The following UGGT2 variants were observed in gnomAD, a reference collection of about 807,000 sequenced individuals.
UGGT2 encodes UDP-glucose glycoprotein glucosyltransferase 2.
UGGT2 carries 180 observed loss-of-function variants against 192.1 expected under a neutral mutation model. The ratio of observed to expected loss-of-function variants is 0.94; its 90% CI spans 0.83 to 1.06. UGGT2 has a LOEUF of 1.06. Among genes scored for constraint, UGGT2 ranks in the 50% least tolerant of loss-of-function variants. UGGT2 has a pLI of 0.00. For synonymous variants in UGGT2, 580 were observed against 591.0 expected (o/e 0.98, Z 0.27); for missense variants, 1,849 against 1,795.7 (o/e 1.03, Z -0.54).
At chr13:95,928,403 CG>C (rs2049114605) in intron 17 of UGGT2, among the ~76,000 whole-genome samples, 1 of 150,534 alleles carries the variant, frequency 6.6e-6, no homozygotes, top group Non-Finnish European at 1.5e-5. Flanking sequence ...CCGGACGGGG[CG>C]GCTGCCGGGC....
intron 11 of UGGT2, 27 bp downstream of exon 11, chr13:95,972,553 C>A: frequency 1.3e-6 from 2 of 1,517,574 alleles, no homozygotes; most frequent in South Asian, 1.2e-5. Flanking sequence ...AACCATAGTT[C>A]ATTTACAGCA....
At chr13:96,008,240 G>A (rs184281892) in intron 5 of UGGT2, among the ~76,000 whole-genome samples, 1 of 152,250 alleles carries the variant, frequency 6.6e-6, no homozygotes, top group Admixed American at 6.5e-5. Flanking sequence ...AATCAACACA[G>A]TGAAGAGCCA....
chr13:95,991,380 G>A, intron 7 of UGGT2: 1 of 424,642 alleles, frequency 2.4e-6, no homozygotes, highest in Non-Finnish European at 4.7e-6. Flanking sequence ...ATCCCCTCCA[G>A]CATCTGTCGT....
intron 12 of UGGT2, among the ~76,000 whole-genome samples, chr13:95,950,057 T>C (rs1685653220): frequency 6.6e-6 from 1 of 151,968 alleles, no homozygotes; most frequent in Non-Finnish European, 1.5e-5. Flanking sequence ...GTCCCCAGAT[T>C]GCGTCCTGGA....
chr13:95,862,846 T>G (rs1444826713), intron 31 of UGGT2, among the ~76,000 whole-genome samples: 1 of 152,126 alleles, frequency 6.6e-6, no homozygotes, highest in African/African-American at 2.4e-5. Context: ...TTTAGATATC[T>G]GAGACAATAT....
Position 95,949,021 on chromosome 13 carries a change from C to T in UGGT2, c.1455+314G>A, listed in dbSNP as rs574663720. Among the ~76,000 whole-genome samples, 7 of 152,276 alleles carry T rather than the reference C, an allele frequency of 4.6e-5. 1 individual carries two copies. The South Asian group carries it at 1.2e-3, about 27-fold the overall frequency. On this transcript the variant is annotated intron_variant, in intron 13 of 38. Transcript: ENST00000376747. ...CTTCCTGCCACTATGTGAAGAAGCACGTTTGCTTCCCCTTCTGCCATGACT... is the reference window on the plus strand; with the variant it reads ...CTTCCTGCCACTATGTGAAGAAGCATGTTTGCTTCCCCTTCTGCCATGACT...
chr13:96,018,598 A>G (rs1326425317), intron 4 of UGGT2, among the ~76,000 whole-genome samples: 2 of 152,192 alleles, frequency 1.3e-5, no homozygotes, highest in African/African-American at 4.8e-5. Flanking sequence ...ATCCTAAATG[A>G]GTATAACTTT....
intron 1 of UGGT2, among the ~76,000 whole-genome samples, chr13:96,041,061 G>A (rs1224784283): frequency 6.6e-6 from 1 of 152,176 alleles, no homozygotes; most frequent in Non-Finnish European, 1.5e-5. Flanking sequence ...CTGAACCTTT[G>A]CTCCAGAACT....
chr13:95,925,579 A>T, intron 20 of UGGT2, 101 bp downstream of exon 20: 1 of 824,200 alleles, frequency 1.2e-6, no homozygotes, highest in South Asian at 3.4e-5. Context: ...CTTAACTGAA[A>T]CATTAACATG....
chr13:96,047,756 T>C (rs1400207839), intron 1 of UGGT2, among the ~76,000 whole-genome samples: 1 of 151,680 alleles, frequency 6.6e-6, no homozygotes, highest in African/African-American at 2.4e-5. Context: ...TACATAATGG[T>C]AAAGGGATTA....
intron 37 of UGGT2, among the ~76,000 whole-genome samples, chr13:95,834,503 G>A (rs986141484): frequency 6.6e-6 from 1 of 152,164 alleles, no homozygotes. Context: ...AGTTGAGAGA[G>A]TATAATGACA....
chr13:95,938,643 A>G (rs972675786), intron 16 of UGGT2, among the ~76,000 whole-genome samples: 3 of 152,146 alleles, frequency 2.0e-5, no homozygotes, highest in African/African-American at 7.2e-5. Context: ...ATGATATGCA[A>G]ACTCTCTCCT....
intron 38 of UGGT2, among the ~76,000 whole-genome samples, chr13:95,825,576 C>T (rs959743202): frequency 4.6e-5 from 7 of 152,126 alleles, no homozygotes; most frequent in East Asian, 1.9e-4. Flanking sequence ...ACCTCTCCTG[C>T]GGCAATGCAG....
intron 38 of UGGT2, among the ~76,000 whole-genome samples, chr13:95,818,336 T>C (rs984730812): frequency 2.0e-5 from 3 of 152,172 alleles, no homozygotes; most frequent in Non-Finnish European, 4.4e-5. Flanking sequence ...AATCTTTGCA[T>C]TGACATCTGT....
intron 8 of UGGT2, among the ~76,000 whole-genome samples, chr13:95,987,831 G>A (rs906946651): frequency 5.3e-5 from 8 of 152,070 alleles, no homozygotes; most frequent in African/African-American, 1.9e-4. Context: ...TGCATACTTT[G>A]TTTGCCCCCC....
intron 38 of UGGT2, among the ~76,000 whole-genome samples, chr13:95,813,009 T>C (rs955490758): frequency 3.3e-5 from 5 of 152,228 alleles, no homozygotes; most frequent in Non-Finnish European, 7.3e-5. Flanking sequence ...GGCACCATGC[T>C]TGTACAGCCT....
intron 17 of UGGT2, among the ~76,000 whole-genome samples, chr13:95,930,778 T>C (rs1319432822): frequency 6.6e-6 from 1 of 152,148 alleles, no homozygotes; most frequent in East Asian, 1.9e-4. Flanking sequence ...TTCTTAAAGA[T>C]GGAGTGTCCA....
At chr13:96,040,748 A>C (rs2053141689) in intron 1 of UGGT2, among the ~76,000 whole-genome samples, 1 of 152,204 alleles carries the variant, frequency 6.6e-6, no homozygotes, top group African/African-American at 2.4e-5. Flanking sequence ...AATTTGTACA[A>C]GTGATGGGGT....
intron 19 of UGGT2, among the ~76,000 whole-genome samples, chr13:95,926,291 C>A (rs556219112): frequency 5.3e-5 from 8 of 152,210 alleles, no homozygotes; most frequent in Non-Finnish European, 1.0e-4. Flanking sequence ...TTTACAAGAA[C>A]TGGTTGTGTG....
Sources: allele counts gnomAD v4.1 joint callset (sites outside exome capture counted in the v4.1 genomes callset), GRCh38; gene constraint gnomAD v4.1.1; transcripts MANE v1.5; gene names NCBI Gene and HGNC (gene_info 2026-07-23, HGNC 2026-07-21).